Variants in ULK1 observed in about 807,000 individuals in gnomAD.
ULK1 encodes unc-51 like autophagy activating kinase 1.
ULK1 carries 48 observed loss-of-function variants against 117.5 expected under a neutral mutation model. That is an observed-to-expected ratio of 0.41 (90% CI 0.32 to 0.52). The LOEUF (loss-of-function observed/expected upper bound fraction) is 0.52, where lower values mean the gene tolerates loss of function less well. Among genes scored for constraint, ULK1 ranks in the 20% least tolerant of loss-of-function variants. ULK1 has a pLI of 0.29. For synonymous variants in ULK1, 790 were observed against 637.8 expected, an observed-to-expected ratio of 1.24 and a Z score of -3.60; for missense variants, 1,387 against 1,473.4, an observed-to-expected ratio of 0.94 and a Z score of 0.96.
chr12:131,911,555 C>T (rs573952484), intron 12 of ULK1, among the ~76,000 whole-genome samples: 2 of 152,292 alleles, frequency 1.3e-5, no homozygotes, highest in East Asian at 3.9e-4. Flanking sequence ...GGGGTGGCAG[C>T]CTCTCCACTG....
chr12:131,919,915 A>T (rs1410753860), intron 25 of ULK1, 64 bp from the exon 26 acceptor site: 1 of 1,577,788 alleles, frequency 6.3e-7, no homozygotes, highest in East Asian at 2.3e-5. Context: ...CGGGCAGATC[A>T]TGGCCACTCC....
Position 131,921,246 on chromosome 12 carries a change from G to C in ULK1, c.3097+11G>C. The C allele has an allele frequency of 1.2e-6, 2 of 1,607,874 alleles. No homozygotes were observed. Among genetic ancestry groups the C allele is most frequent in the South Asian group, 1.1e-5 (1 of 91,066 alleles). ...AGAACGTCACCAAGTGTGAGTGCCC[G>C]GCTGGGCTGGGGGCTGGGGACTCTG... On this transcript the variant is annotated intron_variant, in intron 27 of 27. Transcript: ENST00000321867.
chr12:131,921,372 C>T lies in ULK1; in HGVS notation c.*11C>T, dbSNP rs1309708928. 3.7e-6 allele frequency: 6 copies of T among 1,602,254 alleles called. No homozygotes were observed. The highest frequency in any genetic ancestry group is 3.3e-5 in the Admixed American group (2 of 60,028). ...GGCATCTGTGCCTGACCTTTCTGGC[C>T]TGGCTGGGCCCCCCGTCCTGCCGAG... On this transcript the variant is annotated 3_prime_UTR_variant, in exon 28 of 28. Transcript: ENST00000321867.
rs763180294 is a variant in ULK1 at position 131,907,543 on chromosome 12, G to A, written c.316+12G>A. 3.1e-6 allele frequency: 5 copies of A among 1,609,396 alleles called. No individual in the cohort carries two copies. Among genetic ancestry groups the A allele is most frequent in the South Asian group, 1.1e-5 (1 of 90,664 alleles). On this transcript the variant is annotated intron_variant, in intron 5 of 27. Transcript: ENST00000321867. ...CGACTACCTGCACGGTGAGTGCACA[G>A]CTGCGCCACCTGGGCTGCCAGCCGG...
rs1312733049 is a variant in ULK1 at position 131,917,272 on chromosome 12, G to A, written c.2183-139G>A. On this transcript the variant is annotated intron_variant, in intron 21 of 27. Transcript: ENST00000321867. ...GCTCGGAGGCTGTGGGACGGGGGTC[G>A]GGTTCGGCTCGGAGGCTGTGGGACG... 3.7e-4 allele frequency: 308 copies of A among 828,214 alleles called. 40 individuals are homozygous for A. Among genetic ancestry groups the A allele is most frequent in the Middle Eastern group, 3.1e-3 (5 of 1,616 alleles). The allele number at this position is 828,214 out of a possible 1,614,324, so 51.3% of individuals were successfully genotyped here. A position where few individuals can be genotyped will look rare whatever the true frequency, so the allele number is the denominator to read the frequency against.
chr12:131,896,328 C>T (rs1248554110), intron 3 of ULK1, among the ~76,000 whole-genome samples: 3 of 152,292 alleles, frequency 2.0e-5, no homozygotes, highest in Admixed American at 1.3e-4. Flanking sequence ...AAGGAGATGA[C>T]CTCGGGCCCG....
At chr12:131,911,921 A>C in intron 12 of ULK1, 21 bp from the exon 13 acceptor site, 1 of 1,612,754 alleles carries the variant, frequency 6.2e-7, no homozygotes, top group African/African-American at 1.3e-5. Flanking sequence ...CCTGCTCACC[A>C]GCCCCTCCGT....
intron 19 of ULK1, 98 bp from the exon 20 acceptor site, chr12:131,916,300 T>A: frequency 6.6e-7 from 1 of 1,511,718 alleles, no homozygotes; most frequent in Non-Finnish European, 8.9e-7. Flanking sequence ...TGCTCCCACA[T>A]GCCTGCCAGT....
Position 131,919,206 on chromosome 12 carries a change from C to T in ULK1, c.2512-6C>T, listed in dbSNP as rs759200416. 1.1e-5 allele frequency: 17 copies of T among 1,590,006 alleles called. No homozygotes were observed. The highest frequency in any genetic ancestry group is 1.4e-5 in the Non-Finnish European group (16 of 1,174,420). On this transcript the variant is annotated splice_polypyrimidine_tract_variant and splice_region_variant and intron_variant, in intron 23 of 27. Coordinates refer to ENST00000321867, the MANE Select transcript of ULK1 (RefSeq NM_003565.4). ...CACTTGCCGCCCTGACGGCCGCTTC[C>T]TGCAGCAAGAGCACACGGAGATCCT...
At chr12:131,909,663 G>C in intron 8 of ULK1, 112 bp from the exon 9 acceptor site, 2 of 1,159,962 alleles carry the variant, frequency 1.7e-6, no homozygotes, top group Non-Finnish European at 2.3e-6. Context: ...GGTTTCCCCC[G>C]GGCTTCGCAG....
intron 5 of ULK1, 47 bp from the exon 6 acceptor site, chr12:131,908,596 TG>T (rs1210479376): frequency 2.8e-6 from 4 of 1,433,248 alleles, no homozygotes; most frequent in Non-Finnish European, 3.6e-6. Context: ...GACTCACCCC[TG>T]GGGGAGGAAA....
At chr12:131,916,279 C>A in intron 19 of ULK1, 119 bp from the exon 20 acceptor site, 1 of 1,505,904 alleles carries the variant, frequency 6.6e-7, no homozygotes, top group South Asian at 1.3e-5. Flanking sequence ...CGCCTGGGCT[C>A]ATGCTCAGGC....
At chr12:131,915,054 T>C (rs1889711170) in intron 16 of ULK1, 29 bp from the exon 17 acceptor site, 3 of 1,521,332 alleles carry the variant, frequency 2.0e-6, no homozygotes, top group South Asian at 1.3e-5. Flanking sequence ...TGCTGAGGCC[T>C]CCCCTCCTAA....
rs147815013 is a variant in ULK1, at chr12:131,916,429, C to T, written c.1910C>T (p.Pro637Leu). ...AVPSFDFPKT[P>L]SSQNLLALLA... ...CCCTCCTTTGACTTCCCGAAGACCCCCAGCTCCCAGAACCTGCTGGCCCTC... is the reference window on the plus strand; with the variant it reads ...CCCTCCTTTGACTTCCCGAAGACCCTCAGCTCCCAGAACCTGCTGGCCCTC... Residue 637 changes from proline (P) to leucine (L), a missense_variant, in exon 20 of 28, where the codon CCC becomes CTC. Pro to Leu is a moderately conservative substitution (Grantham distance 98). Transcript: ENST00000321867. 4 of 1,601,590 alleles carry T rather than the reference C, an allele frequency of 2.5e-6. No individual in the cohort carries two copies. Among genetic ancestry groups the T allele is most frequent in the South Asian group, 1.1e-5 (1 of 90,430 alleles).
intron 3 of ULK1, among the ~76,000 whole-genome samples, chr12:131,904,971 T>A (rs1036947855): frequency 1.3e-5 from 2 of 152,116 alleles, no homozygotes; most frequent in African/African-American, 4.8e-5. Flanking sequence ...CCACAGCTGC[T>A]GGGAGCCCTG....
chr12:131,916,855 C>T, intron 20 of ULK1, 98 bp from the exon 21 acceptor site: 1 of 1,167,854 alleles, frequency 8.6e-7, no homozygotes. Context: ...GGCCAGGAGA[C>T]CGTGCATCAT....
chr12:131,916,077 G>C lies in ULK1; in HGVS notation c.1796G>C (p.Cys599Ser). ...CAGCCGTCCCACGGCCTGCAGTCCT[G>C]CCGGAACCTGCGGGGCTCACCCAAG... ...PPQPSHGLQS[C>S]RNLRGSPKLP... Residue 599 changes from cysteine (C) to serine (S), a missense_variant, in exon 19 of 28, where the codon TGC becomes TCC. Cys to Ser is a moderately radical substitution (Grantham distance 112, BLOSUM62 -1). Transcript: ENST00000321867. 6.2e-7 allele frequency: 1 copy of C among 1,612,430 alleles called. No homozygotes were observed. Among genetic ancestry groups the C allele is most frequent in the South Asian group, 1.1e-5 (1 of 91,076 alleles).
intron 14 of ULK1, 75 bp downstream of exon 14, chr12:131,913,333 A>G (rs540062640): frequency 1.4e-6 from 2 of 1,412,162 alleles, no homozygotes; most frequent in Non-Finnish European, 1.9e-6. Flanking sequence ...TGTTATTTAC[A>G]ATGAGCCGAG....
intron 15 of ULK1, among the ~76,000 whole-genome samples, chr12:131,914,119 G>GC (rs1316300281): frequency 1.3e-5 from 2 of 152,248 alleles, no homozygotes; most frequent in South Asian, 2.1e-4. Flanking sequence ...GGCCAGGGTG[G>GC]CCCCCCACTG....
Sources: gnomAD v4.1 joint callset for allele counts (sites outside exome capture counted in the v4.1 genomes callset) on GRCh38, gnomAD v4.1.1 for gene constraint, MANE v1.5 for transcripts, NCBI Gene and HGNC (gene_info 2026-07-23, HGNC 2026-07-21) for gene names.